SIPA1L1: variants seen among roughly 807,000 people sequenced by gnomAD.
SIPA1L1 encodes signal-induced proliferation-associated 1-like protein 1.
SIPA1L1 carries 26 observed loss-of-function variants against 162.7 expected under a neutral mutation model. The observed-to-expected ratio is 0.16, with a 90% CI of 0.12 to 0.22. The LOEUF is 0.22. SIPA1L1 is among the 10% of genes least tolerant of loss of function. SIPA1L1 has a pLI of 1.00. For missense variants in SIPA1L1, 1,874 were observed against 2,241.0 expected, an observed-to-expected ratio of 0.84 and a Z score of 3.31; for synonymous variants, 829 against 837.4, an observed-to-expected ratio of 0.99 and a Z score of 0.17.
intron 4 of SIPA1L1, among the ~76,000 whole-genome samples, chr14:71,538,644 T>A (rs1398615021): frequency 6.6e-6 from 1 of 152,194 alleles, no homozygotes; most frequent in African/African-American, 2.4e-5. Flanking sequence ...TTGGAGTTTG[T>A]GTCTGTTTTC....
chr14:71,611,137 G>A (rs1212015369), intron 5 of SIPA1L1, among the ~76,000 whole-genome samples: 1 of 152,198 alleles, frequency 6.6e-6, no homozygotes, highest in Non-Finnish European at 1.5e-5. Flanking sequence ...ACCAGAAACT[G>A]AGAATCTGAG....
chr14:71,580,985 T>C (rs1055826460), intron 4 of SIPA1L1, among the ~76,000 whole-genome samples: 111 of 152,148 alleles, frequency 7.3e-4, no homozygotes, highest in Non-Finnish European at 1.2e-3. Context: ...TGCCTGCCTG[T>C]CTATCTGTCT....
At chr14:71,466,874 TAAC>T (rs1023332154) in intron 2 of SIPA1L1, among the ~76,000 whole-genome samples, 4 of 152,234 alleles carry the variant, frequency 2.6e-5, no homozygotes, top group Non-Finnish European at 4.4e-5. Flanking sequence ...TTTATTTTGA[TAAC>T]AATTTTCTCT....
At chr14:71,455,964 CTCTT>C (rs2046156681) in intron 2 of SIPA1L1, among the ~76,000 whole-genome samples, 2 of 152,146 alleles carry the variant, frequency 1.3e-5, no homozygotes, top group African/African-American at 4.8e-5. Context: ...TTGGACAAAA[CTCTT>C]TCATTTACTA....
chr14:71,647,978 C>T (rs1420912746), intron 7 of SIPA1L1, among the ~76,000 whole-genome samples: 1 of 152,010 alleles, frequency 6.6e-6, no homozygotes, highest in African/African-American at 2.4e-5. Context: ...AGCAGTAGGT[C>T]AGATTGTATG....
intron 4 of SIPA1L1, among the ~76,000 whole-genome samples, chr14:71,542,370 GCTGCTGCTGCTGCTGCTTCTTC>G (rs2054492239): frequency 7.9e-6 from 1 of 126,744 alleles, no homozygotes; most frequent in African/African-American, 3.0e-5. Context: ...TCTTCTTCCT[GCTGCTGCTGCTGCTGCTTCTTC>G]CTGCTGCTGC....
intron 7 of SIPA1L1, among the ~76,000 whole-genome samples, chr14:71,643,575 G>A (rs979333777): frequency 2.0e-5 from 3 of 152,106 alleles, no homozygotes; most frequent in East Asian, 3.8e-4. Flanking sequence ...AGAAAGTATC[G>A]TTTTTGCAGA....
rs1279299427 is a variant in SIPA1L1 at position 71,723,730 on chromosome 14, C to T, written c.4292C>T (p.Ala1431Val). 6.2e-7 allele frequency: 1 copy of T among 1,614,114 alleles called. No homozygotes were observed. The highest frequency in any genetic ancestry group is 8.5e-7 in the Non-Finnish European group (1 of 1,180,046). The change falls in exon 18 of 24, where the codon GCC becomes GTC. Residue 1431 changes from alanine (A) to valine (V), a missense_variant. Physicochemically the swap from Ala to Val is moderately conservative, Grantham distance 64. This residue lies in a region of SIPA1L1 where 936 missense variants were observed against 1,051.9 expected (regional missense o/e 0.89). Transcript: ENST00000381232. ...SSPKEELHPA[A>V]PSQLAPSFSS... ...CCTAAAGAAGAGCTTCATCCAGCTG[C>T]CCCCTCACAGCTCGCACCATCCTTC...
intron 13 of SIPA1L1, among the ~76,000 whole-genome samples, chr14:71,686,979 C>T (rs1193474715): frequency 1.3e-5 from 2 of 152,180 alleles, no homozygotes; most frequent in Non-Finnish European, 2.9e-5. Flanking sequence ...AGTTTGGAAG[C>T]AGAGAGCAGG....
intron 2 of SIPA1L1, among the ~76,000 whole-genome samples, chr14:71,395,174 G>A (rs1318282721): frequency 6.6e-6 from 1 of 152,202 alleles, no homozygotes; most frequent in Non-Finnish European, 1.5e-5. Context: ...AAGCTTTGAT[G>A]TAATAACAGA....
Position 71,705,983 on chromosome 14 carries a change from C to T in SIPA1L1, c.3765+643C>T, listed in dbSNP as rs2082409262. 2.0e-5 allele frequency among the ~76,000 whole-genome samples: 3 copies of T among 151,930 alleles called. 1 individual carries two copies. The highest frequency in any genetic ancestry group is 6.3e-3 in the Middle Eastern group (2 of 316). On this transcript the variant is annotated intron_variant, in intron 16 of 23. Coordinates refer to ENST00000381232, the MANE Select transcript of SIPA1L1 (RefSeq NM_001386936.1). ...ACGCCCTCCCCATGCAGTTGATTTC[C>T]TTGGTGTGTCTGTTCACTGGAATGT...
intron 2 of SIPA1L1, among the ~76,000 whole-genome samples, chr14:71,432,422 G>T (rs893316095): frequency 6.6e-6 from 1 of 152,052 alleles, no homozygotes; most frequent in East Asian, 1.9e-4. Context: ...TCCTTCCCTC[G>T]GGGTCTGAGG....
chr14:71,720,449 C>T (rs920205683), intron 17 of SIPA1L1, among the ~76,000 whole-genome samples: 1 of 151,894 alleles, frequency 6.6e-6, no homozygotes, highest in Admixed American at 6.6e-5. Flanking sequence ...GGCATGGTGG[C>T]GGGTGCCTGT....
At chr14:71,533,476 A>C (rs550246483) in intron 4 of SIPA1L1, among the ~76,000 whole-genome samples, 1 of 152,334 alleles carries the variant, frequency 6.6e-6, no homozygotes, top group Admixed American at 6.5e-5. Context: ...TTGTAATGTG[A>C]GTTGGCTTTT....
intron 2 of SIPA1L1, among the ~76,000 whole-genome samples, chr14:71,340,455 A>G (rs1376392598): frequency 6.6e-6 from 1 of 152,084 alleles, no homozygotes; most frequent in Non-Finnish European, 1.5e-5. Flanking sequence ...ATCTCATTTT[A>G]TCCTCATGAA....
At chr14:71,566,825 G>A (rs1429784110) in intron 4 of SIPA1L1, among the ~76,000 whole-genome samples, 1 of 152,138 alleles carries the variant, frequency 6.6e-6, no homozygotes, top group Non-Finnish European at 1.5e-5. Flanking sequence ...ATCTTACCAT[G>A]TTAAAATTTT....
At chr14:71,680,823 C>G (rs1245576443) in intron 12 of SIPA1L1, among the ~76,000 whole-genome samples, 1 of 152,170 alleles carries the variant, frequency 6.6e-6, no homozygotes, top group African/African-American at 2.4e-5. Context: ...ACTAGAAAAT[C>G]TAGAGGGCCT....
intron 2 of SIPA1L1, among the ~76,000 whole-genome samples, chr14:71,390,400 C>T (rs915276397): frequency 1.3e-5 from 2 of 152,120 alleles, no homozygotes; most frequent in African/African-American, 4.8e-5. Context: ...TGTTTATGAA[C>T]TTAATATTAT....
intron 21 of SIPA1L1, 77 bp from the exon 22 acceptor site, chr14:71,735,200 G>A (rs1273122209): frequency 3.2e-6 from 3 of 943,910 alleles, no homozygotes; most frequent in Non-Finnish European, 3.5e-6. Context: ...CTGCCAACTA[G>A]ACCACTTGTT....
Sources: gnomAD v4.1 joint callset for allele counts (sites outside exome capture counted in the v4.1 genomes callset) on GRCh38, gnomAD v4.1.1 for gene constraint, gnomAD v4.1.1 regional missense constraint, MANE v1.5 for transcripts, NCBI Gene and HGNC (gene_info 2026-07-23, HGNC 2026-07-21) for gene names.